The following STK3 variants were observed in gnomAD, a reference collection of about 807,000 sequenced individuals.
STK3 encodes serine/threonine kinase 3.
A neutral mutation model predicts 58.0 loss-of-function variants in STK3; 41 were observed. That is an observed-to-expected ratio of 0.71 (90% CI 0.55 to 0.92). The LOEUF is 0.92. Among genes scored for constraint, STK3 ranks in the 40% least tolerant of loss-of-function variants. The probability of loss-of-function intolerance (pLI) is 0.00; values close to 1 mark genes in which losing one functional copy is unlikely to be tolerated. For missense variants in STK3, 479 were observed against 602.7 expected (o/e 0.79, Z 2.15); for synonymous variants, 170 against 191.0 (o/e 0.89, Z 0.91).
intron 6 of STK3, among the ~76,000 whole-genome samples, chr8:98,698,886 A>G (rs1218245456): frequency 6.6e-6 from 1 of 151,842 alleles, no homozygotes; most frequent in East Asian, 1.9e-4. Flanking sequence ...CATTCTCTGT[A>G]TTTCCTGAAT....
intron 1 of STK3, among the ~76,000 whole-genome samples, chr8:98,778,408 A>C (rs12171685): frequency 0.69 from 99,818 of 145,418 alleles, 34,705 homozygotes; most frequent in African/African-American, 0.84. Flanking sequence ...GTGGAGAAAT[A>C]GGAACACTTT....
chr8:98,741,513 C>T (rs979729865), intron 4 of STK3, among the ~76,000 whole-genome samples: 10 of 151,932 alleles, frequency 6.6e-5, no homozygotes, highest in African/African-American at 1.7e-4. Flanking sequence ...CATAATGAAA[C>T]GAAGGCAGAA....
intron 1 of STK3, among the ~76,000 whole-genome samples, chr8:98,792,638 T>C (rs576591990): frequency 6.6e-6 from 1 of 152,302 alleles, no homozygotes. Flanking sequence ...GAAGTGGATG[T>C]TGCGGTGAGC....
chr8:98,791,850 A>G (rs1423810788), intron 1 of STK3, among the ~76,000 whole-genome samples: 2 of 152,224 alleles, frequency 1.3e-5, no homozygotes, highest in Non-Finnish European at 2.9e-5. Flanking sequence ...AAGACCTGAA[A>G]CTATAAAAAT....
rs938615782 is a variant in STK3, at chr8:98,869,763, G to C, written c.110+13884C>G. Among the ~76,000 whole-genome samples, 4 of 150,810 alleles carry C rather than the reference G, an allele frequency of 2.7e-5. No individual in the cohort carries two copies. In the East Asian group the frequency reaches 7.7e-4, roughly 29 times the overall value. On this transcript the variant is annotated intron_variant, in intron 3 of 12. Coordinates refer to the STK3 transcript ENST00000523601. ...ATCATACATTTCAGAAATACTATAA[G>C]AAAACAGAAATAAATATCATTGTCT...
At chr8:98,418,847 C>G (rs1000510145) in intron 3 of STK3, among the ~76,000 whole-genome samples, 6 of 152,168 alleles carry the variant, frequency 3.9e-5, no homozygotes, top group Non-Finnish European at 1.5e-5. Flanking sequence ...CCATCTATAC[C>G]AGCCAGGCTT....
chr8:98,744,437 T>C (rs1038105322), intron 4 of STK3, among the ~76,000 whole-genome samples: 1 of 151,868 alleles, frequency 6.6e-6, no homozygotes, highest in Non-Finnish European at 1.5e-5. Context: ...TGTAGGGACA[T>C]GGATGAAATT....
rs1587729009 is a variant in STK3, at chr8:98,837,266, T to C, written c.110+46381A>G. Among the ~76,000 whole-genome samples, 3 of 139,660 alleles carry C rather than the reference T, an allele frequency of 2.1e-5. No homozygotes were observed. In the South Asian group the frequency reaches 6.6e-4, roughly 31 times the overall value. 91.6% of individuals were successfully genotyped at this position (139,660 alleles called of 152,430 possible). A position where few individuals can be genotyped will look rare whatever the true frequency, so the allele number is the denominator to read the frequency against. On this transcript the variant is annotated intron_variant, in intron 3 of 12. Transcript: ENST00000523601. ...TATAGAGTATATATTCATGAAAGAG[T>C]AAAATAACAATTCAATTCTGTATGT...
chr8:98,922,213 G>A (rs1839593330), intron 1 of STK3, among the ~76,000 whole-genome samples: 1 of 152,142 alleles, frequency 6.6e-6, no homozygotes, highest in African/African-American at 2.4e-5. Context: ...CTGTGAATGT[G>A]GACTGTAAAG....
At chr8:98,617,269 A>G (rs1458589541) in intron 6 of STK3, among the ~76,000 whole-genome samples, 90 of 146,036 alleles carry the variant, frequency 6.2e-4, no homozygotes, top group African/African-American at 2.1e-3. Context: ...ACCAACGAGA[A>G]CAAAGACACA....
intron 10 of STK3, among the ~76,000 whole-genome samples, chr8:98,501,498 G>C (rs1823593191): frequency 1.3e-5 from 2 of 152,144 alleles, no homozygotes; most frequent in Non-Finnish European, 2.9e-5. Context: ...GTCCTGAATG[G>C]TATTGCCTAG....
At chr8:98,349,475 C>G in the STK3 span, among the ~76,000 whole-genome samples, 2 of 152,210 alleles carry the variant, frequency 1.3e-5, no homozygotes, top group African/African-American at 4.8e-5. Flanking sequence ...GGTGGATCTA[C>G]CATTCTGGCT....
intron 7 of STK3, 72 bp downstream of exon 7, chr8:98,595,960 C>A: frequency 6.6e-7 from 1 of 1,512,180 alleles, no homozygotes; most frequent in Non-Finnish European, 9.0e-7. Context: ...AAACACACAG[C>A]AATTCTGGCC....
At chr8:98,768,471 C>T (rs1172655668) in intron 2 of STK3, among the ~76,000 whole-genome samples, 2 of 152,130 alleles carry the variant, frequency 1.3e-5, no homozygotes, top group Non-Finnish European at 2.9e-5. Context: ...ACATTTTATC[C>T]TCTCCTCTGT....
chr8:98,658,562 T>G (rs1821724092), intron 6 of STK3, among the ~76,000 whole-genome samples: 2 of 152,082 alleles, frequency 1.3e-5, no homozygotes. Flanking sequence ...TTTTACCTCC[T>G]GTTAACTACC....
At chr8:98,845,864 A>C (rs1836181403) in intron 3 of STK3, among the ~76,000 whole-genome samples, 1 of 152,194 alleles carries the variant, frequency 6.6e-6, no homozygotes, top group Non-Finnish European at 1.5e-5. Flanking sequence ...GCTACATTGA[A>C]ATCTACCTCA....
intron 10 of STK3, among the ~76,000 whole-genome samples, chr8:98,457,097 C>A (rs893683023): frequency 6.6e-6 from 1 of 152,184 alleles, no homozygotes; most frequent in African/African-American, 2.4e-5. Context: ...CACTTCGGTG[C>A]ATAAGAAGTT....
intron 1 of STK3, chr8:98,906,467 A>G (rs919067099): frequency 4.7e-4 from 72 of 152,384 alleles, no homozygotes; most frequent in African/African-American, 1.6e-3. Context: ...GTGCTTCCAG[A>G]TCCACTGCCT....
chr8:98,792,896 A>ATGTGTG (rs34465301), intron 1 of STK3, among the ~76,000 whole-genome samples: 3,184 of 145,726 alleles, frequency 0.022, 43 homozygotes, highest in Non-Finnish European at 0.029. Flanking sequence ...AAGAGACTGT[A>ATGTGTG]TGTGTGTGTG....
Sources: gnomAD v4.1 joint callset for allele counts (sites outside exome capture counted in the v4.1 genomes callset) on GRCh38, gnomAD v4.1.1 for gene constraint, MANE v1.5 for transcripts, NCBI Gene and HGNC (gene_info 2026-07-23, HGNC 2026-07-21) for gene names.